Variants in EIF2B3 observed in about 807,000 individuals in gnomAD.
EIF2B3 encodes the protein eukaryotic translation initiation factor 2B subunit gamma.
A neutral mutation model predicts 54.1 loss-of-function variants in EIF2B3; 20 were observed. That is an observed-to-expected ratio of 0.37 (90% CI 0.26 to 0.54). EIF2B3 has a LOEUF of 0.54. Ranked by LOEUF, EIF2B3 falls within the 20% of genes least tolerant of loss-of-function variation. The probability of loss-of-function intolerance (pLI) is 0.86; values close to 1 mark genes in which losing one functional copy is unlikely to be tolerated. For synonymous variants in EIF2B3, 153 were observed against 188.1 expected (o/e 0.81, Z 1.52); for missense variants, 448 against 547.8 (o/e 0.82, Z 1.82).
At chr1:44,931,534 A>G (rs1206933680) in intron 4 of EIF2B3, among the ~76,000 whole-genome samples, 1 of 152,250 alleles carries the variant, frequency 6.6e-6, no homozygotes, top group Non-Finnish European at 1.5e-5. Flanking sequence ...CTTAGGCCAA[A>G]CTGCCAACCT....
chr1:44,978,187 C>T, intron 3 of EIF2B3, 128 bp downstream of exon 3: 2 of 1,044,202 alleles, frequency 1.9e-6, no homozygotes, highest in East Asian at 2.5e-5. Flanking sequence ...ATTGAGATCA[C>T]ACTACTGCAC....
At chr1:44,973,286 G>A (rs1324611573) in intron 3 of EIF2B3, among the ~76,000 whole-genome samples, 1 of 152,166 alleles carries the variant, frequency 6.6e-6, no homozygotes, top group Non-Finnish European at 1.5e-5. Flanking sequence ...GCTAAAATGT[G>A]GAGGCAACCC....
chr1:44,952,588 T>C (rs1644178066), intron 3 of EIF2B3, among the ~76,000 whole-genome samples: 1 of 149,366 alleles, frequency 6.7e-6, no homozygotes, highest in Admixed American at 6.8e-5. Context: ...AGAGCCTCAC[T>C]GTCACCCAGG....
At chr1:44,888,856 A>T (rs1439567625) in intron 6 of EIF2B3, among the ~76,000 whole-genome samples, 1 of 152,240 alleles carries the variant, frequency 6.6e-6, no homozygotes, top group Non-Finnish European at 1.5e-5. Context: ...TCCAGGGAAC[A>T]GGAATTCTGG....
intron 10 of EIF2B3, among the ~76,000 whole-genome samples, chr1:44,860,554 A>G (rs927243707): frequency 6.6e-6 from 1 of 152,184 alleles, no homozygotes; most frequent in African/African-American, 2.4e-5. Context: ...GAGAAGTTAA[A>G]CCATTCACTC....
chr1:44,965,246 T>A lies in EIF2B3; in HGVS notation c.294+13069A>T, dbSNP rs1644325328. Among the ~76,000 whole-genome samples, 3 of 152,298 alleles carry A rather than the reference T, an allele frequency of 2.0e-5. 1 individual carries two copies. Among genetic ancestry groups the A allele is most frequent in the East Asian group, 3.9e-4 (2 of 5,188 alleles). On this transcript the variant is annotated intron_variant, in intron 3 of 11. Transcript: ENST00000360403. ...GAGATTTGCTCATTTCTAAGTATGT[T>A]TTACACAAAACTAATTAAGAGTTTA...
chr1:44,852,316 C>A (rs1378525213), intron 11 of EIF2B3, among the ~76,000 whole-genome samples: 2 of 152,034 alleles, frequency 1.3e-5, no homozygotes, highest in Non-Finnish European at 2.9e-5. Context: ...ATGCTTCCCC[C>A]TCCATTTTTT....
intron 5 of EIF2B3, among the ~76,000 whole-genome samples, chr1:44,919,464 C>A (rs989573855): frequency 5.9e-5 from 9 of 151,934 alleles, no homozygotes; most frequent in African/African-American, 1.9e-4. Context: ...TCTTAGTTTT[C>A]TAGGTGCTTA....
intron 8 of EIF2B3, among the ~76,000 whole-genome samples, chr1:44,877,849 A>G (rs1174921479): frequency 1.3e-5 from 2 of 152,174 alleles, no homozygotes; most frequent in Non-Finnish European, 2.9e-5. Context: ...CAGCACGGCT[A>G]CACTGGAATG....
chr1:44,945,603 C>A (rs1263605912), intron 3 of EIF2B3, among the ~76,000 whole-genome samples: 2 of 143,908 alleles, frequency 1.4e-5, no homozygotes, highest in African/African-American at 2.5e-5. Flanking sequence ...AAAAAAAAAA[C>A]CCTACACCTG....
chr1:44,941,743 T>G, intron 3 of EIF2B3, 78 bp from the exon 4 acceptor site: 1 of 1,552,976 alleles, frequency 6.4e-7, no homozygotes, highest in African/African-American at 1.4e-5. Context: ...AAAATTAGGA[T>G]GGCTTAAAAC....
chr1:44,901,121 T>A (rs539556883), intron 5 of EIF2B3, among the ~76,000 whole-genome samples: 1,586 of 147,990 alleles, frequency 0.011, 12 homozygotes, highest in Non-Finnish European at 0.016. Context: ...GAAAAAAAAA[T>A]TTTTTTTTTT....
chr1:44,935,420 T>C (rs1465200127), intron 4 of EIF2B3, among the ~76,000 whole-genome samples: 1 of 152,238 alleles, frequency 6.6e-6, no homozygotes, highest in African/African-American at 2.4e-5. Context: ...GCATATACGG[T>C]GTCACTGAAA....
At position 44,919,883 on chromosome 1, in the gene EIF2B3, C is replaced by CTTTTTTTTTTTTTTTTTTT. The variant is rs1194645004; in HGVS notation, c.566+6744_566+6745insAAAAAAAAAAAAAAAAAAA. Among the ~76,000 whole-genome samples, 9 of 117,222 alleles carry CTTTTTTTTTTTTTTTTTTT rather than the reference C, an allele frequency of 7.7e-5. 1 individual carries two copies. The highest frequency in any genetic ancestry group is 3.0e-4 in the South Asian group (1 of 3,376). The allele number at this position is 117,222 out of a possible 152,430, so 76.9% of individuals were successfully genotyped here. On this transcript the variant is annotated intron_variant, in intron 5 of 11. Transcript: ENST00000360403. ...ACGCATGCGACAACATGCCTGGCTA[C>CTTTTTTTTTTTTTTTTTTT]TTTTTTTTTTTTTTTTTTAGTAGAT...
In EIF2B3 at chr1:44,874,573, A is replaced by G. The variant is rs917744223; in HGVS notation, c.1202+105T>C. On this transcript the variant is annotated intron_variant, in intron 10 of 11. Coordinates refer to ENST00000360403, the MANE Select transcript of EIF2B3 (RefSeq NM_020365.5). ...TTATTCTATTGCCCTCTTGATTAGCACTTTGCCTGGGTATACAATTTTAGG... is the reference window on the plus strand; with the variant it reads ...TTATTCTATTGCCCTCTTGATTAGCGCTTTGCCTGGGTATACAATTTTAGG... 8 of 1,275,796 alleles carry G rather than the reference A, an allele frequency of 6.3e-6. No individual in the cohort carries two copies. The African/African-American group carries it at 1.0e-4, about 17-fold the overall frequency. 79.0% of individuals were successfully genotyped at this position (1,275,796 alleles called of 1,614,324 possible). A position where few individuals can be genotyped will look rare whatever the true frequency, so the allele number is the denominator to read the frequency against.
In EIF2B3 at chr1:44,879,864, C is replaced by G. The variant is rs747128213; in HGVS notation, c.929G>C (p.Cys310Ser). 1 of 1,614,172 alleles carries G rather than the reference C, an allele frequency of 6.2e-7. No individual in the cohort carries two copies. The highest frequency in any genetic ancestry group is 2.2e-5 in the East Asian group (1 of 44,886). Residue 310 changes from cysteine (C) to serine (S), a missense_variant, in exon 8 of 12, where the codon TGC (cysteine) becomes TCC (serine). This residue lies in a region of EIF2B3 where 350 missense variants were observed against 414.2 expected (regional missense o/e 0.85). Coordinates refer to ENST00000360403, the MANE Select transcript of EIF2B3 (RefSeq NM_020365.5). ...CYVHIMKEGL[C>S]SRVSTLGLYM... Reference sequence around the variant, plus strand: ...GAGTCCCAGTGTGCTCACTCGAGAGCAGAGCCCCTCTTTCATGATGTGGAC... The same window carrying G: ...GAGTCCCAGTGTGCTCACTCGAGAGGAGAGCCCCTCTTTCATGATGTGGAC...
At chr1:44,919,633 A>G (rs1643695711) in intron 5 of EIF2B3, among the ~76,000 whole-genome samples, 1 of 151,226 alleles carries the variant, frequency 6.6e-6, no homozygotes, top group African/African-American at 2.4e-5. Flanking sequence ...TCTGGTTGCC[A>G]TTTATACTGG....
At chr1:44,978,199 C>T in intron 3 of EIF2B3, 116 bp downstream of exon 3, 1 of 1,230,288 alleles carries the variant, frequency 8.1e-7, no homozygotes, top group Non-Finnish European at 1.2e-6. Flanking sequence ...CTACTGCACT[C>T]CGGCCTAGGT....
In EIF2B3 at chr1:44,901,138, G is replaced by A. The variant is rs143194668; in HGVS notation, c.567-3694C>T. Among the ~76,000 whole-genome samples the A allele has an allele frequency of 5.3e-3, 796 of 151,494 alleles. 2 individuals are homozygous for A. The highest frequency in any genetic ancestry group is 7.9e-3 in the East Asian group (41 of 5,166). On this transcript the variant is annotated intron_variant, in intron 5 of 11. Coordinates refer to ENST00000360403, the MANE Select transcript of EIF2B3 (RefSeq NM_020365.5). Reference sequence around the variant, plus strand: ...AAAAAAAATTTTTTTTTTTTGAGACGGAGTTTTGCTCTTGTTGCCCAGGCT... The same window carrying A: ...AAAAAAAATTTTTTTTTTTTGAGACAGAGTTTTGCTCTTGTTGCCCAGGCT...
Sources: gnomAD v4.1 joint callset for allele counts (sites outside exome capture counted in the v4.1 genomes callset) on GRCh38, gnomAD v4.1.1 for gene constraint, gnomAD v4.1.1 regional missense constraint, MANE v1.5 for transcripts, NCBI Gene and HGNC (gene_info 2026-07-23, HGNC 2026-07-21) for gene names.